TMTC2: variants seen among roughly 807,000 people sequenced by gnomAD.
The protein encoded by TMTC2 is transmembrane O-mannosyltransferase targeting cadherins 2.
TMTC2 carries 43 observed loss-of-function variants against 82.4 expected under a neutral mutation model. That is an observed-to-expected ratio of 0.52 (90% CI 0.41 to 0.67). TMTC2 has a LOEUF of 0.67. Among genes scored for constraint, TMTC2 ranks in the 30% least tolerant of loss-of-function variants. The probability of loss-of-function intolerance (pLI) is 0.00; values close to 1 mark genes in which losing one functional copy is unlikely to be tolerated. For synonymous variants in TMTC2, 408 were observed against 381.9 expected (o/e 1.07, Z -0.80); for missense variants, 919 against 1,012.4 (o/e 0.91, Z 1.25).
intron 1 of TMTC2, among the ~76,000 whole-genome samples, chr12:82,716,926 A>G (rs1276941728): frequency 6.6e-6 from 1 of 152,168 alleles, no homozygotes; most frequent in Non-Finnish European, 1.5e-5. Flanking sequence ...AGGGCTCTGC[A>G]GTGAGAAAGA....
chr12:82,834,053 A>G (rs1480337167), intron 1 of TMTC2, among the ~76,000 whole-genome samples: 1 of 152,244 alleles, frequency 6.6e-6, no homozygotes, highest in African/African-American at 2.4e-5. Context: ...ATGTACATGT[A>G]ACCATTTTAA....
At chr12:82,869,084 T>C (rs146796279) in intron 2 of TMTC2, among the ~76,000 whole-genome samples, 1 of 152,278 alleles carries the variant, frequency 6.6e-6, no homozygotes, top group East Asian at 1.9e-4. Context: ...GAAAATTCAA[T>C]ACATAAAAAT....
chr12:82,923,819 T>C (rs1213758420), intron 3 of TMTC2, among the ~76,000 whole-genome samples: 1 of 152,204 alleles, frequency 6.6e-6, no homozygotes, highest in Non-Finnish European at 1.5e-5. Flanking sequence ...AATTGCCCCA[T>C]CCATGAGCCT....
intron 11 of TMTC2, among the ~76,000 whole-genome samples, chr12:83,063,127 G>T (rs1882801338): frequency 6.6e-6 from 1 of 151,666 alleles, no homozygotes; most frequent in Admixed American, 6.6e-5. Context: ...AAGACAAAAG[G>T]TTATGATCTC....
intron 11 of TMTC2, among the ~76,000 whole-genome samples, chr12:83,073,955 A>G (rs968655023): frequency 6.6e-6 from 1 of 152,054 alleles, no homozygotes; most frequent in Non-Finnish European, 1.5e-5. Flanking sequence ...CTTAATAACT[A>G]ACCTCCTGGA....
At chr12:82,946,867 A>G (rs1231924096) in intron 4 of TMTC2, among the ~76,000 whole-genome samples, 2 of 150,454 alleles carry the variant, frequency 1.3e-5, no homozygotes, top group Non-Finnish European at 3.0e-5. Flanking sequence ...TCAGCCTCCC[A>G]AGTAGCTGGG....
intron 11 of TMTC2, among the ~76,000 whole-genome samples, chr12:83,127,004 T>C (rs924290547): frequency 2.0e-5 from 3 of 152,132 alleles, no homozygotes; most frequent in Non-Finnish European, 4.4e-5. Flanking sequence ...GTAAGTTCAA[T>C]TGGGCAAGCA....
At chr12:83,096,606 G>A (rs1189976575) in intron 11 of TMTC2, among the ~76,000 whole-genome samples, 1 of 152,098 alleles carries the variant, frequency 6.6e-6, no homozygotes, top group Non-Finnish European at 1.5e-5. Context: ...ATGTGCAAGG[G>A]AACTCCTCTT....
intron 11 of TMTC2, 51 bp from the exon 12 acceptor site, chr12:83,132,159 G>A: frequency 6.5e-7 from 1 of 1,542,594 alleles, no homozygotes; most frequent in Non-Finnish European, 8.7e-7. Flanking sequence ...TTTCCATGAA[G>A]GAAAGCTTGA....
chr12:82,847,834 A>G (rs1476653429), intron 1 of TMTC2, among the ~76,000 whole-genome samples: 2 of 152,054 alleles, frequency 1.3e-5, no homozygotes, highest in Non-Finnish European at 2.9e-5. Context: ...ATTAGGAGAA[A>G]TACCTAATGT....
chr12:82,864,802 A>T (rs142662441), intron 2 of TMTC2, among the ~76,000 whole-genome samples: 2,778 of 151,644 alleles, frequency 0.018, 92 homozygotes, highest in African/African-American at 0.064. Flanking sequence ...CGCCCGGCCT[A>T]CATTTTTTAT....
chr12:83,089,844 A>C (rs1044884259), intron 11 of TMTC2, among the ~76,000 whole-genome samples: 10 of 143,910 alleles, frequency 6.9e-5, no homozygotes, highest in African/African-American at 2.3e-4. Context: ...AAAAAACAAA[A>C]AACAAAAAAA....
rs191390019 is a variant in TMTC2 at position 83,049,526 on chromosome 12, G to T, written c.2153-1378G>T. ...TTTTGTGGCTGCATAGTATTCCATG[G>T]TGTGTGTATACCACATTTTCTTTAT... is the stretch of plus-strand genomic sequence containing the variant. On this transcript the variant is annotated intron_variant, in intron 9 of 11. Coordinates refer to ENST00000321196, the MANE Select transcript of TMTC2 (RefSeq NM_152588.3). 2.6e-3 allele frequency among the ~76,000 whole-genome samples: 397 copies of T among 152,276 alleles called. 2 individuals carry two copies. The highest frequency in any genetic ancestry group is 9.3e-3 in the African/African-American group (385 of 41,542).
In TMTC2 at chr12:83,132,288, C is replaced by G. The variant is rs768467996; in HGVS notation, c.2410C>G (p.Arg804Gly). ...CCAGAAGGCCGAGGCCAACTACCTG[C>G]GGGCCCTGCAGCTCAAGCCAGACGA... The part of the protein sequence containing the change: ...RLQKAEANYL[R>G]ALQLKPDDVI... The change falls in exon 12 of 12, where the codon CGG (arginine) becomes GGG (glycine). Residue 804 changes from arginine (R) to glycine (G), a missense_variant. Transcript: ENST00000321196. 3.1e-6 allele frequency: 5 copies of G among 1,613,964 alleles called. No individual in the cohort carries two copies. The South Asian group carries it at 5.5e-5, about 18-fold the overall frequency.
chr12:82,860,646 A>G (rs2137120618), intron 2 of TMTC2, among the ~76,000 whole-genome samples: 1 of 152,314 alleles, frequency 6.6e-6, no homozygotes, highest in African/African-American at 2.4e-5. Flanking sequence ...CAGTATTTGG[A>G]TGATACCTAA....
chr12:82,904,685 C>T (rs1402460464), intron 3 of TMTC2, among the ~76,000 whole-genome samples: 1 of 152,184 alleles, frequency 6.6e-6, no homozygotes, highest in East Asian at 1.9e-4. Flanking sequence ...AGTGTTTCCC[C>T]CGTTCGCCTT....
intron 1 of TMTC2, among the ~76,000 whole-genome samples, chr12:82,835,188 T>C (rs1869968049): frequency 6.6e-6 from 1 of 152,234 alleles, no homozygotes; most frequent in Non-Finnish European, 1.5e-5. Flanking sequence ...AACTCGTAGC[T>C]ATTATCACTA....
intron 3 of TMTC2, among the ~76,000 whole-genome samples, chr12:82,910,677 C>T (rs1034080188): frequency 4.6e-5 from 7 of 152,250 alleles, no homozygotes; most frequent in African/African-American, 1.7e-4. Flanking sequence ...GATGGATTTC[C>T]CATGGAGTCC....
intron 1 of TMTC2, among the ~76,000 whole-genome samples, chr12:82,765,010 A>G (rs1051208050): frequency 3.9e-5 from 6 of 151,990 alleles, no homozygotes; most frequent in Non-Finnish European, 5.9e-5. Context: ...TAAGCTATCA[A>G]TTTACATTGC....
Sources: allele counts gnomAD v4.1 joint callset (sites outside exome capture counted in the v4.1 genomes callset), GRCh38; gene constraint gnomAD v4.1.1; transcripts MANE v1.5; gene names NCBI Gene and HGNC (gene_info 2026-07-23, HGNC 2026-07-21).